The following UMAD1 variants were observed in gnomAD, a reference collection of about 807,000 sequenced individuals.
UMAD1 encodes UBAP1-MVB12-associated (UMA) domain containing 1.
A neutral mutation model predicts 6.1 loss-of-function variants in UMAD1; 8 were observed. The ratio of observed to expected loss-of-function variants is 1.30; its 90% CI spans 0.76 to 2.35. The LOEUF is 2.35. Ranked by LOEUF, UMAD1 falls within the 30% of genes most tolerant of loss-of-function variation. The probability of loss-of-function intolerance (pLI) is 0.00; values close to 1 mark genes in which losing one functional copy is unlikely to be tolerated. For missense variants in UMAD1, 130 were observed against 78.4 expected (o/e 1.66, Z -2.49); for synonymous variants, 56 against 31.4 (o/e 1.78, Z -2.61).
At chr7:7,793,960 T>A (rs1782618649) in intron 2 of UMAD1, among the ~76,000 whole-genome samples, 1 of 152,208 alleles carries the variant, frequency 6.6e-6, no homozygotes, top group South Asian at 2.1e-4. Flanking sequence ...AATTTTTTTT[T>A]AAGTTTCATC....
intron 2 of UMAD1, among the ~76,000 whole-genome samples, chr7:7,685,021 C>A (rs1780008407): frequency 6.6e-6 from 1 of 152,048 alleles, no homozygotes; most frequent in African/African-American, 2.4e-5. Context: ...AGATTTAACT[C>A]AAAAATTATG....
chr7:7,871,230 C>T (rs1784326279), intron 3 of UMAD1, among the ~76,000 whole-genome samples: 1 of 152,190 alleles, frequency 6.6e-6, no homozygotes, highest in South Asian at 2.1e-4. Context: ...AAAATATTAG[C>T]ATCTTTTTTC....
intron 2 of UMAD1, among the ~76,000 whole-genome samples, chr7:7,702,157 A>G (rs942101863): frequency 5.9e-5 from 9 of 152,226 alleles, no homozygotes; most frequent in African/African-American, 2.2e-4. Flanking sequence ...GGAGGATTTT[A>G]TATGATAGTC....
Position 7,807,504 on chromosome 7 carries a change from G to A in UMAD1, c.156+5761G>A, listed in dbSNP as rs1038291793. Among the ~76,000 whole-genome samples, 4 of 152,164 alleles carry A rather than the reference G, an allele frequency of 2.6e-5. No homozygotes were observed. The South Asian group carries it at 8.3e-4, about 32-fold the overall frequency. The stretch of plus-strand genomic sequence containing the variant: ...GTTAAAATATTTGTTAAGTGTCTGT[G>A]ATATTTTTCATTACACGTCATAGCC... On this transcript the variant is annotated intron_variant, in intron 3 of 3. Transcript: ENST00000682710.
At chr7:7,683,397 T>C (rs141409136) in intron 2 of UMAD1, among the ~76,000 whole-genome samples, 104 of 152,290 alleles carry the variant, frequency 6.8e-4, no homozygotes, top group African/African-American at 2.5e-3. Flanking sequence ...GCACTACAGT[T>C]CACTCTCTAA....
At chr7:7,703,231 A>T (rs1200884018) in intron 2 of UMAD1, among the ~76,000 whole-genome samples, 2 of 152,210 alleles carry the variant, frequency 1.3e-5, no homozygotes, top group Admixed American at 6.5e-5. Context: ...CTGAGATTTT[A>T]AAAATGTGCT....
intron 2 of UMAD1, among the ~76,000 whole-genome samples, chr7:7,725,773 C>T (rs1304379874): frequency 6.6e-6 from 1 of 152,198 alleles, no homozygotes; most frequent in Non-Finnish European, 1.5e-5. Flanking sequence ...CCACTCCTGC[C>T]ACCCTGCCTT....
chr7:7,846,252 G>T (rs931433066), intron 3 of UMAD1, among the ~76,000 whole-genome samples: 1 of 152,092 alleles, frequency 6.6e-6, no homozygotes, highest in Non-Finnish European at 1.5e-5. Flanking sequence ...ATATCTCATA[G>T]TGTCCATTTT....
chr7:7,816,443 G>T (rs1007114042), intron 3 of UMAD1, among the ~76,000 whole-genome samples: 4 of 152,214 alleles, frequency 2.6e-5, no homozygotes, highest in Admixed American at 2.6e-4. Context: ...GTTAGTTGCT[G>T]AAGGCTGTAG....
intron 2 of UMAD1, among the ~76,000 whole-genome samples, chr7:7,682,528 C>T (rs1174991378): frequency 6.6e-6 from 1 of 152,124 alleles, no homozygotes; most frequent in Non-Finnish European, 1.5e-5. Context: ...TAAAAATTTA[C>T]ATTCTAAGGA....
chr7:7,753,626 C>G (rs751825902), intron 2 of UMAD1, among the ~76,000 whole-genome samples: 5 of 150,114 alleles, frequency 3.3e-5, no homozygotes, highest in Non-Finnish European at 7.4e-5. Flanking sequence ...GTGGCTGAAT[C>G]ATACTCCATT....
chr7:7,675,679 C>A (rs570597457), intron 2 of UMAD1, among the ~76,000 whole-genome samples: 2 of 152,234 alleles, frequency 1.3e-5, no homozygotes, highest in South Asian at 4.2e-4. Flanking sequence ...GGGAATTTTC[C>A]CAGGACCATC....
At chr7:7,656,560 T>C (rs1785348974) in intron 1 of UMAD1, among the ~76,000 whole-genome samples, 1 of 150,526 alleles carries the variant, frequency 6.6e-6, no homozygotes, top group Non-Finnish European at 1.5e-5. Context: ...AGTGAAAACA[T>C]GTGGTGTTTG....
chr7:7,869,626 G>A (rs868734581), intron 3 of UMAD1, among the ~76,000 whole-genome samples: 7 of 152,294 alleles, frequency 4.6e-5, no homozygotes, highest in Non-Finnish European at 7.4e-5. Flanking sequence ...AAAAAAGCAG[G>A]AGGTTTTAAA....
At chr7:7,680,386 C>T (rs62432578) in intron 2 of UMAD1, among the ~76,000 whole-genome samples, 8,732 of 152,108 alleles carry the variant, frequency 0.057, 325 homozygotes, top group Middle Eastern at 0.13. Context: ...GTATTTGGTT[C>T]CATTCGTCCA....
chr7:7,791,928 G>A (rs1013031521), intron 2 of UMAD1, among the ~76,000 whole-genome samples: 1 of 152,160 alleles, frequency 6.6e-6, no homozygotes, highest in African/African-American at 2.4e-5. Context: ...ATATTTTAAC[G>A]TAGACTACCT....
chr7:7,696,193 A>T (rs1458410766), intron 2 of UMAD1, among the ~76,000 whole-genome samples: 8 of 150,860 alleles, frequency 5.3e-5, no homozygotes, highest in African/African-American at 2.0e-4. Context: ...TTTTGTAGAG[A>T]TGGGGGTTTT....
intron 3 of UMAD1, among the ~76,000 whole-genome samples, chr7:7,870,451 A>G (rs955388400): frequency 6.6e-6 from 1 of 152,204 alleles, no homozygotes; most frequent in African/African-American, 2.4e-5. Flanking sequence ...CAAAAGGTTA[A>G]TTGAGTCTTT....
chr7:7,745,452 T>C (rs893610488), intron 2 of UMAD1, among the ~76,000 whole-genome samples: 15 of 152,222 alleles, frequency 9.9e-5, no homozygotes, highest in African/African-American at 3.1e-4. Context: ...GCCTCTGTGC[T>C]GGCCAAATCC....
Sources: gnomAD v4.1 joint callset for allele counts (sites outside exome capture counted in the v4.1 genomes callset) on GRCh38, gnomAD v4.1.1 for gene constraint, MANE v1.5 for transcripts, NCBI Gene and HGNC (gene_info 2026-07-23, HGNC 2026-07-21) for gene names.